The following GSDMC variants were observed in gnomAD, a reference collection of about 807,000 sequenced individuals.
GSDMC encodes gasdermin C.
Under a neutral mutation model 58.0 loss-of-function variants are expected in GSDMC, and 59 were observed. The observed-to-expected ratio is 1.02, with a 90% CI of 0.82 to 1.26. GSDMC has a LOEUF of 1.26. Ranked by LOEUF, GSDMC falls within the 50% of genes most tolerant of loss-of-function variation. GSDMC has a pLI of 0.00. For synonymous variants in GSDMC, 241 were observed against 220.2 expected (o/e 1.09, Z -0.83); for missense variants, 659 against 598.5 (o/e 1.10, Z -1.06).
chr8:129,753,656 C>T (rs1160064772), intron 6 of GSDMC, among the ~76,000 whole-genome samples: 1 of 152,198 alleles, frequency 6.6e-6, no homozygotes, highest in African/African-American at 2.4e-5. Flanking sequence ...TCTTAGGTAC[C>T]AGTTCAGCCA....
At chr8:129,751,503 C>A in intron 10 of GSDMC, 39 bp downstream of exon 10, 1 of 1,577,182 alleles carries the variant, frequency 6.3e-7, no homozygotes, top group Non-Finnish European at 8.7e-7. Context: ...TTGCAGCTCC[C>A]ACCCAGAAGC....
chr8:129,751,437 G>T, intron 10 of GSDMC, 105 bp downstream of exon 10: 2 of 842,894 alleles, frequency 2.4e-6, no homozygotes, highest in Admixed American at 2.4e-5. Flanking sequence ...GTGCAAATTT[G>T]GAAGTGGACC....
intron 3 of GSDMC, among the ~76,000 whole-genome samples, chr8:129,772,205 G>A (rs980837280): frequency 6.8e-6 from 1 of 148,030 alleles, no homozygotes; most frequent in Admixed American, 6.8e-5. Flanking sequence ...AGCATGCAGT[G>A]AGCGGAGATC....
intron 10 of GSDMC, 114 bp downstream of exon 10, chr8:129,751,428 T>C: frequency 2.5e-6 from 2 of 788,550 alleles, no homozygotes; most frequent in Non-Finnish European, 4.2e-6. Context: ...ATGAGCAAAG[T>C]GCAAATTTGG....
chr8:129,752,970 C>G, intron 6 of GSDMC, 150 bp from the exon 7 acceptor site: 2 of 1,334,524 alleles, frequency 1.5e-6, no homozygotes, highest in Non-Finnish European at 2.0e-6. Flanking sequence ...AGAGGAATTG[C>G]CCATTCCTTC....
the GSDMC span, among the ~76,000 whole-genome samples, chr8:129,743,060 G>C: frequency 6.6e-6 from 1 of 152,064 alleles, no homozygotes; most frequent in African/African-American, 2.4e-5. Context: ...TGGTTTTCAG[G>C]AATGTGATTA....
At chr8:129,764,825 C>G (rs2033800165) in intron 4 of GSDMC, among the ~76,000 whole-genome samples, 1 of 152,216 alleles carries the variant, frequency 6.6e-6, no homozygotes, top group African/African-American at 2.4e-5. Context: ...TCAGAGGTAG[C>G]TAGTGCCTCC....
chr8:129,755,156 T>C (rs764961367), intron 6 of GSDMC, among the ~76,000 whole-genome samples: 1 of 152,060 alleles, frequency 6.6e-6, no homozygotes, highest in Non-Finnish European at 1.5e-5. Context: ...GCAGACTACC[T>C]CAAGGTGTCT....
the GSDMC span, among the ~76,000 whole-genome samples, chr8:129,740,950 T>C: frequency 6.6e-6 from 1 of 152,196 alleles, no homozygotes; most frequent in Non-Finnish European, 1.5e-5. Context: ...TCCCTATGTT[T>C]TCTTCTGGTA....
At chr8:129,741,380 T>G in the GSDMC span, among the ~76,000 whole-genome samples, 2 of 152,124 alleles carry the variant, frequency 1.3e-5, no homozygotes, top group Admixed American at 1.3e-4. Flanking sequence ...TCTGTGAAAA[T>G]GATATTAGAA....
chr8:129,741,431 TA>T, the GSDMC span, among the ~76,000 whole-genome samples: 2 of 152,072 alleles, frequency 1.3e-5, no homozygotes, highest in Non-Finnish European at 2.9e-5. Context: ...TCACTTTGGG[TA>T]GTAGGGATAT....
the GSDMC span, among the ~76,000 whole-genome samples, chr8:129,710,806 T>C: frequency 6.6e-6 from 1 of 152,190 alleles, no homozygotes; most frequent in African/African-American, 2.4e-5. Flanking sequence ...GGGAAAGATA[T>C]TCTTTGTGAC....
the GSDMC span, among the ~76,000 whole-genome samples, chr8:129,720,825 G>A: frequency 3.3e-4 from 50 of 152,284 alleles, no homozygotes; most frequent in African/African-American, 1.2e-3. Context: ...AGGAAGATTT[G>A]GTTTCAAATT....
intron 6 of GSDMC, among the ~76,000 whole-genome samples, chr8:129,753,633 G>C (rs569681934): frequency 5.3e-5 from 8 of 152,326 alleles, no homozygotes; most frequent in African/African-American, 1.9e-4. Flanking sequence ...TAAAGAGGAG[G>C]CTTTGCCTTG....
At chr8:129,773,214 A>T (rs1301954738) in intron 3 of GSDMC, among the ~76,000 whole-genome samples, 1 of 152,208 alleles carries the variant, frequency 6.6e-6, no homozygotes, top group Admixed American at 6.5e-5. Context: ...ATAAGGAACA[A>T]AACAAGAATG....
At chr8:129,717,041 G>A in the GSDMC span, among the ~76,000 whole-genome samples, 29 of 152,204 alleles carry the variant, frequency 1.9e-4, no homozygotes, top group Admixed American at 1.6e-3. Flanking sequence ...AAGGATTTTT[G>A]CATTGATGTT....
the GSDMC span, among the ~76,000 whole-genome samples, chr8:129,708,692 A>C: frequency 6.6e-6 from 1 of 152,274 alleles, no homozygotes; most frequent in African/African-American, 2.4e-5. Flanking sequence ...CTCCTAGGAC[A>C]GGGCCCACTC....
Position 129,765,788 on chromosome 8 carries a change from A to T in GSDMC, c.410T>A (p.Leu137Gln). 6.2e-7 allele frequency: 1 copy of T among 1,613,132 alleles called. No individual in the cohort carries two copies. Among genetic ancestry groups the T allele is most frequent in the Admixed American group, 1.7e-5 (1 of 59,900 alleles). ...PNLEDFQKRK[L>Q]LDPEPSFLKE... Reference sequence around the variant, plus strand: ...CAGAAATGATGGCTCTGGATCCAACAGTTTCCTGGGGATTTAAGGAAGGAG... The same window carrying T: ...CAGAAATGATGGCTCTGGATCCAACTGTTTCCTGGGGATTTAAGGAAGGAG... The change falls in exon 4 of 14, where the codon CTG becomes CAG. Residue 137 changes from leucine (L) to glutamine (Q), a missense_variant. Transcript: ENST00000276708.
chr8:129,751,863 T>G lies in GSDMC; in HGVS notation c.915A>C (p.Val305=). 5 of 1,007,712 alleles carry G rather than the reference T, an allele frequency of 5.0e-6. No individual in the cohort carries two copies. Among genetic ancestry groups the G allele is most frequent in the Non-Finnish European group, 6.0e-6 (4 of 672,122 alleles). 62.4% of individuals were successfully genotyped at this position (1,007,712 alleles called of 1,614,324 possible). A position where few individuals can be genotyped will look rare whatever the true frequency, so the allele number is the denominator to read the frequency against. The change falls in exon 9 of 14, where the codon GTA becomes GTC. Residue 305 remains valine (V), a splice_region_variant and synonymous_variant. Transcript: ENST00000276708. ...CACCTCCAGCAAACTCACACTCACC[T>G]ACTGGGAGGATGTGAACTTGTTCGT... ...PKYEQVHILP[V]GRIEEPFWQN... is the part of the protein sequence containing the mutation.
Sources: gnomAD v4.1 joint callset for allele counts (sites outside exome capture counted in the v4.1 genomes callset) on GRCh38, gnomAD v4.1.1 for gene constraint, MANE v1.5 for transcripts, NCBI Gene and HGNC (gene_info 2026-07-23, HGNC 2026-07-21) for gene names.